The following LRP1B variants were observed in gnomAD, a reference collection of about 807,000 sequenced individuals.
The protein encoded by LRP1B is LDL receptor related protein 1B, also known as low-density lipoprotein receptor-related protein 1B.
Under a neutral mutation model 556.6 loss-of-function variants are expected in LRP1B, and 217 were observed. That is an observed-to-expected ratio of 0.39 (90% CI 0.35 to 0.44). LRP1B has a LOEUF of 0.44. Among genes scored for constraint, LRP1B ranks in the 20% least tolerant of loss-of-function variants. The pLI is 1.00. For synonymous variants in LRP1B, 2,047 were observed against 1,865.8 expected (o/e 1.10, Z -2.50); for missense variants, 5,053 against 5,620.8 (o/e 0.90, Z 3.23).
chr2:141,308,679 CAA>C (rs1368009468), intron 3 of LRP1B, among the ~76,000 whole-genome samples: 2 of 152,086 alleles, frequency 1.3e-5, no homozygotes, highest in Non-Finnish European at 2.9e-5. Flanking sequence ...ATTTGGCACA[CAA>C]AGTGTACAGT....
intron 2 of LRP1B, among the ~76,000 whole-genome samples, chr2:141,743,486 C>CTTTTTTTTTTTTTCTTTTTTTTTTTTT: frequency 9.3e-6 from 1 of 108,032 alleles, no homozygotes. Context: ...CTGCTTTTTT[C>CTTTTTTTTTTTTTCTTTTTTTTTTTTT]TTTTTTTTTT....
chr2:141,093,108 GATAA>G lies in LRP1B; in HGVS notation c.1014-30839_1014-30836del, dbSNP rs1414448784. On this transcript the variant is annotated intron_variant, in intron 7 of 90. Transcript: ENST00000389484. ...TGGCACGATAGTCATCTATGGGAAT[GATAA>G]ATAGAGAAAGGAACAAATAATGCAG... Among the ~76,000 whole-genome samples, 4 of 151,796 alleles carry G rather than the reference GATAA, an allele frequency of 2.6e-5. 1 individual carries two copies. Among genetic ancestry groups the G allele is most frequent in the South Asian group, 4.2e-4 (2 of 4,814 alleles).
rs564224090 is a variant in LRP1B at position 141,873,281 on chromosome 2, C to T, written c.83-62880G>A. On this transcript the variant is annotated intron_variant, in intron 1 of 90. Transcript: ENST00000389484. ...GACCAGATTGGGCAACATGGCAAAA[C>T]CCCATGTCTAAAAATAAAATACAAA... 3.3e-5 allele frequency among the ~76,000 whole-genome samples: 5 copies of T among 152,004 alleles called. No homozygotes were observed. The East Asian group carries it at 9.7e-4, about 29-fold the overall frequency.
At chr2:140,885,333 T>C (rs1414190324) in intron 24 of LRP1B, among the ~76,000 whole-genome samples, 1 of 151,710 alleles carries the variant, frequency 6.6e-6, no homozygotes, top group Non-Finnish European at 1.5e-5. Flanking sequence ...TCAAAAGAAA[T>C]ATATATTTAT....
intron 37 of LRP1B, among the ~76,000 whole-genome samples, chr2:140,713,666 C>A (rs1477120816): frequency 2.0e-5 from 3 of 152,054 alleles, no homozygotes; most frequent in East Asian, 1.9e-4. Flanking sequence ...GTCCTACCAA[C>A]AATTATACAG....
chr2:141,223,897 G>A (rs1467030560), intron 6 of LRP1B, among the ~76,000 whole-genome samples: 3 of 152,090 alleles, frequency 2.0e-5, no homozygotes, highest in Admixed American at 6.6e-5. Flanking sequence ...ATGGATTAAA[G>A]ATTTAAATGT....
At chr2:140,622,717 C>A (rs952335602) in intron 41 of LRP1B, among the ~76,000 whole-genome samples, 1 of 152,052 alleles carries the variant, frequency 6.6e-6, no homozygotes, top group Admixed American at 6.6e-5. Flanking sequence ...GAGACAATAA[C>A]GAGGGGTAAT....
rs374688763 is a variant in LRP1B at position 141,023,110 on chromosome 2, T to C, written c.1790-3008A>G. Among the ~76,000 whole-genome samples, 7 of 152,086 alleles carry C rather than the reference T, an allele frequency of 4.6e-5. No individual in the cohort carries two copies. The South Asian group carries it at 1.0e-3, about 23-fold the overall frequency. On this transcript the variant is annotated intron_variant, in intron 11 of 90. Transcript: ENST00000389484. ...AGTGAAGATATTGCACATTTACTCATACTCAGAAAATAAACAGCCTTTTCT... is the reference window on the plus strand; with the variant it reads ...AGTGAAGATATTGCACATTTACTCACACTCAGAAAATAAACAGCCTTTTCT...
At chr2:141,735,514 G>C (rs143819225) in intron 2 of LRP1B, among the ~76,000 whole-genome samples, 1 of 80,896 alleles carries the variant, frequency 1.2e-5, no homozygotes, top group Admixed American at 1.1e-4. Flanking sequence ...TTTTTTTTTT[G>C]GGAGGGGGGA....
intron 3 of LRP1B, among the ~76,000 whole-genome samples, chr2:141,438,878 T>G (rs1174262842): frequency 6.6e-6 from 1 of 152,138 alleles, no homozygotes. Flanking sequence ...GGAGAACTGT[T>G]AGACATATGT....
At chr2:142,050,311 A>G (rs554783409) in intron 1 of LRP1B, among the ~76,000 whole-genome samples, 1 of 152,286 alleles carries the variant, frequency 6.6e-6, no homozygotes, top group South Asian at 2.1e-4. Flanking sequence ...AGCTATAACA[A>G]GTATATTATC....
chr2:141,120,079 C>G (rs1484722401), intron 7 of LRP1B, among the ~76,000 whole-genome samples: 1 of 151,904 alleles, frequency 6.6e-6, no homozygotes, highest in Non-Finnish European at 1.5e-5. Context: ...CTTATTACAA[C>G]TCTTCATTGA....
chr2:140,717,546 T>C (rs1687255567), intron 35 of LRP1B, among the ~76,000 whole-genome samples: 1 of 152,090 alleles, frequency 6.6e-6, no homozygotes, highest in African/African-American at 2.4e-5. Flanking sequence ...CTAAAGACTA[T>C]AAATGAAATA....
chr2:141,445,591 T>G (rs191840369), intron 3 of LRP1B, among the ~76,000 whole-genome samples: 1 of 152,380 alleles, frequency 6.6e-6, no homozygotes, highest in Admixed American at 6.5e-5. Flanking sequence ...AACACTGTGT[T>G]AGCTGTGTCC....
At chr2:141,120,632 G>A (rs1182510241) in intron 7 of LRP1B, among the ~76,000 whole-genome samples, 1 of 151,906 alleles carries the variant, frequency 6.6e-6, no homozygotes, top group East Asian at 1.9e-4. Context: ...GATTTATAAT[G>A]AATCTGAAGT....
intron 86 of LRP1B, among the ~76,000 whole-genome samples, chr2:140,264,797 C>G (rs1199563029): frequency 6.6e-6 from 1 of 151,170 alleles, no homozygotes; most frequent in South Asian, 2.1e-4. Context: ...AAGTCCAATT[C>G]AATCAATATT....
intron 7 of LRP1B, among the ~76,000 whole-genome samples, chr2:141,101,303 A>G (rs75133301): frequency 1.1e-4 from 16 of 152,252 alleles, no homozygotes; most frequent in Admixed American, 2.0e-4. Context: ...TACTTCCTTT[A>G]CAAGGTACTA....
At chr2:141,145,848 G>C (rs72976036) in intron 7 of LRP1B, among the ~76,000 whole-genome samples, 5,391 of 149,386 alleles carry the variant, frequency 0.036, 306 homozygotes, top group African/African-American at 0.12. Context: ...TGGTTCTTAG[G>C]TTCTATGATA....
At chr2:140,546,785 T>A (rs368043797) in intron 43 of LRP1B, among the ~76,000 whole-genome samples, 1 of 152,314 alleles carries the variant, frequency 6.6e-6, no homozygotes, top group East Asian at 1.9e-4. Flanking sequence ...TTCAGTATGA[T>A]GTTGGCTGTG....
Sources: allele counts gnomAD v4.1 joint callset (sites outside exome capture counted in the v4.1 genomes callset), GRCh38; gene constraint gnomAD v4.1.1; transcripts MANE v1.5; gene names NCBI Gene and HGNC (gene_info 2026-07-23, HGNC 2026-07-21).